Variants in PPFIA2 observed in about 807,000 individuals in gnomAD.
The protein encoded by PPFIA2 is PPFI scaffold protein A2, also known as liprin-alpha-2.
A neutral mutation model predicts 175.5 loss-of-function variants in PPFIA2; 46 were observed. The observed-to-expected ratio is 0.26, with a 90% CI of 0.21 to 0.34. The LOEUF is 0.34. Ranked by LOEUF, PPFIA2 falls within the 10% of genes least tolerant of loss-of-function variation. The pLI is 1.00. For missense variants in PPFIA2, 1,179 were observed against 1,506.1 expected (o/e 0.78, Z 3.60); for synonymous variants, 568 against 511.4 (o/e 1.11, Z -1.49).
At chr12:81,659,800 C>T (rs1410731217) in intron 4 of PPFIA2, among the ~76,000 whole-genome samples, 2 of 152,172 alleles carry the variant, frequency 1.3e-5, no homozygotes, top group Non-Finnish European at 2.9e-5. Context: ...CTGGGAGGCA[C>T]CCCCTAGTAC....
chr12:81,482,375 A>G (rs1166288250), intron 4 of PPFIA2, among the ~76,000 whole-genome samples: 4 of 152,210 alleles, frequency 2.6e-5, no homozygotes, highest in Non-Finnish European at 5.9e-5. Flanking sequence ...TGATCCAGCA[A>G]TCCCATTACT....
rs1326687415 is a variant in PPFIA2, at chr12:81,417,351, T to C, written c.646-11448A>G. On this transcript the variant is annotated intron_variant, in intron 7 of 32. Coordinates refer to ENST00000549396, the MANE Select transcript of PPFIA2 (RefSeq NM_003625.5). ...GCATGGTTAACACTGTAAGTATACA[T>C]GTGTTTTTTTGTTTTTTCTCCAATC... The C allele has an allele frequency of 2.7e-5, 4 of 148,622 alleles. No homozygotes were observed. In the Admixed American group the frequency reaches 2.7e-4, roughly 10 times the overall value. The allele number at this position is 148,622 out of a possible 1,614,324, so 9.2% of individuals were successfully genotyped here.
At chr12:81,421,744 G>A (rs1169300280) in intron 7 of PPFIA2, among the ~76,000 whole-genome samples, 1 of 151,826 alleles carries the variant, frequency 6.6e-6, no homozygotes, top group Non-Finnish European at 1.5e-5. Flanking sequence ...GGCATAGCAT[G>A]GCTGAATGGA....
intron 4 of PPFIA2, among the ~76,000 whole-genome samples, chr12:81,532,927 C>G (rs1391270686): frequency 6.6e-6 from 1 of 151,684 alleles, no homozygotes; most frequent in Non-Finnish European, 1.5e-5. Context: ...TCCCCTTTAT[C>G]TCAACCAAGA....
intron 3 of PPFIA2, among the ~76,000 whole-genome samples, chr12:81,720,788 A>G (rs2079211936): frequency 6.6e-6 from 1 of 151,180 alleles, no homozygotes; most frequent in African/African-American, 2.4e-5. Context: ...CCTTTTTGTG[A>G]CTGAGCTGAC....
At chr12:81,462,573 T>C (rs1206667625) in intron 4 of PPFIA2, among the ~76,000 whole-genome samples, 1 of 57,604 alleles carries the variant, frequency 1.7e-5, no homozygotes, top group African/African-American at 7.6e-5. Context: ...TATATGTGTA[T>C]ATATATATAT....
intron 23 of PPFIA2, chr12:81,298,205 A>C (rs2046967798): frequency 6.6e-6 from 1 of 152,136 alleles, no homozygotes. Context: ...TGATTTTTTA[A>C]ATATAGTAAT....
rs151308244 is a variant in PPFIA2 at position 81,568,587 on chromosome 12, C to T, written c.303+108204G>A. The stretch of plus-strand genomic sequence containing the variant: ...TCAAATCTGCAGCTTTCAGCGTGTC[C>T]TCTCAGGGAGATTTGATCTGAGAAC... On this transcript the variant is annotated intron_variant, in intron 4 of 32. Transcript: ENST00000549396. Among the ~76,000 whole-genome samples the T allele has an allele frequency of 1.6e-4, 24 of 152,288 alleles. 1 individual carries two copies. Among genetic ancestry groups the T allele is most frequent in the African/African-American group, 5.8e-4 (24 of 41,554 alleles).
At chr12:81,400,117 A>T (rs903999592) in intron 8 of PPFIA2, among the ~76,000 whole-genome samples, 1 of 152,176 alleles carries the variant, frequency 6.6e-6, no homozygotes, top group African/African-American at 2.4e-5. Context: ...TTAGTATTTT[A>T]AAATAGGATG....
At chr12:81,310,713 A>G (rs1688257353) in intron 22 of PPFIA2, among the ~76,000 whole-genome samples, 1 of 152,162 alleles carries the variant, frequency 6.6e-6, no homozygotes, top group Admixed American at 6.5e-5. Flanking sequence ...GTTGACGAGT[A>G]CTCTAAACAA....
At chr12:81,353,728 A>C (rs1259618508) in intron 16 of PPFIA2, among the ~76,000 whole-genome samples, 1 of 152,164 alleles carries the variant, frequency 6.6e-6, no homozygotes, top group Non-Finnish European at 1.5e-5. Flanking sequence ...ATATTTTCTT[A>C]TTATAAGCTC....
intron 24 of PPFIA2, among the ~76,000 whole-genome samples, chr12:81,293,781 C>T (rs1846433148): frequency 6.6e-6 from 1 of 152,124 alleles, no homozygotes; most frequent in South Asian, 2.1e-4. Context: ...TAAGTAATCT[C>T]GCTACTTAGT....
chr12:81,634,787 C>T (rs1573889), intron 4 of PPFIA2, among the ~76,000 whole-genome samples: 68,434 of 151,718 alleles, frequency 0.45, 16,844 homozygotes, highest in Middle Eastern at 0.58. Flanking sequence ...TATTTACCCA[C>T]ATTTTCACCC....
intron 3 of PPFIA2, among the ~76,000 whole-genome samples, chr12:81,744,701 C>T (rs2082813876): frequency 6.6e-6 from 1 of 152,218 alleles, no homozygotes; most frequent in Admixed American, 6.5e-5. Context: ...GCTGGGATTA[C>T]AGGCATGGGC....
At chr12:81,286,581 C>T (rs934321424) in intron 24 of PPFIA2, among the ~76,000 whole-genome samples, 1 of 151,910 alleles carries the variant, frequency 6.6e-6, no homozygotes, top group African/African-American at 2.4e-5. Context: ...GTAGTCTATA[C>T]CATTTAGGTT....
intron 8 of PPFIA2, among the ~76,000 whole-genome samples, chr12:81,396,510 G>A (rs1175086537): frequency 1.3e-5 from 2 of 152,054 alleles, no homozygotes; most frequent in East Asian, 1.9e-4. Context: ...TGTGGCTGGG[G>A]TGGATTTGGA....
chr12:81,634,882 A>G (rs1006075528), intron 4 of PPFIA2, among the ~76,000 whole-genome samples: 6 of 151,588 alleles, frequency 4.0e-5, no homozygotes, highest in Admixed American at 6.6e-5. Flanking sequence ...GTCCTTTAAA[A>G]TTTTCCCTAA....
Position 81,294,904 on chromosome 12 carries a change from T to C in PPFIA2, c.2856A>G (p.Leu952=), listed in dbSNP as rs1489073725. The change falls in exon 24 of 33, where the codon TTA becomes TTG. Residue 952 remains leucine (L), a synonymous_variant. Transcript: ENST00000549396. ...EIGISNPLHR[L]KLRLAIQEMV... is the part of the protein sequence containing the mutation. ...TCTCCTGGATTGCTAATCGAAGTTT[T>C]AAGCGATGCAGTGGATTGCTGATTC... 10 of 1,613,628 alleles carry C rather than the reference T, an allele frequency of 6.2e-6. No homozygotes were observed. The highest frequency in any genetic ancestry group is 5.9e-6 in the Non-Finnish European group (7 of 1,179,734).
chr12:81,415,212 TA>T (rs1453504208), intron 7 of PPFIA2, among the ~76,000 whole-genome samples: 3 of 14,618 alleles, frequency 2.1e-4, no homozygotes, highest in Non-Finnish European at 2.6e-4. Flanking sequence ...AAAAAAAAAA[TA>T]TATATATATA....
Sources: gnomAD v4.1 joint callset for allele counts (sites outside exome capture counted in the v4.1 genomes callset) on GRCh38, gnomAD v4.1.1 for gene constraint, MANE v1.5 for transcripts, NCBI Gene and HGNC (gene_info 2026-07-23, HGNC 2026-07-21) for gene names.